The following ASIC2 variants were observed in gnomAD, a reference collection of about 807,000 sequenced individuals.
ASIC2 encodes acid-sensing ion channel 2.
In ASIC2, 25 loss-of-function variants were observed where a neutral mutation model predicts 57.3. That is an observed-to-expected ratio of 0.44 (90% confidence interval 0.32 to 0.61). The LOEUF is 0.61. Ranked by LOEUF, ASIC2 falls within the 20% of genes least tolerant of loss-of-function variation. The pLI is 0.06. For synonymous variants in ASIC2, 319 were observed against 307.5 expected, an observed-to-expected ratio of 1.04 and a Z score of -0.39; for missense variants, 641 against 738.1, an observed-to-expected ratio of 0.87 and a Z score of 1.52.
chr17:33,964,719 ACTTT>A (rs1255855768), intron 1 of ASIC2, among the ~76,000 whole-genome samples: 1 of 152,226 alleles, frequency 6.6e-6, no homozygotes, highest in Non-Finnish European at 1.5e-5. Flanking sequence ...TGTTGCCAGA[ACTTT>A]CTTATTTCAT....
At chr17:33,446,763 C>T (rs1029497225) in intron 1 of ASIC2, among the ~76,000 whole-genome samples, 1 of 152,146 alleles carries the variant, frequency 6.6e-6, no homozygotes, top group South Asian at 2.1e-4. Context: ...TGAATGAATC[C>T]TCTGGAAGGG....
chr17:33,628,161 G>A (rs536018611), intron 1 of ASIC2, among the ~76,000 whole-genome samples: 108 of 152,312 alleles, frequency 7.1e-4, no homozygotes, highest in African/African-American at 2.5e-3. Context: ...GGGTGGTCCC[G>A]ATGCCTGGGA....
intron 1 of ASIC2, among the ~76,000 whole-genome samples, chr17:33,236,872 G>C (rs939001365): frequency 6.6e-6 from 1 of 152,156 alleles, no homozygotes; most frequent in Non-Finnish European, 1.5e-5. Flanking sequence ...ATCTTCCTTA[G>C]AGCCCTCAGA....
At chr17:34,077,973 G>A (rs1389923372) in intron 1 of ASIC2, among the ~76,000 whole-genome samples, 1 of 152,082 alleles carries the variant, frequency 6.6e-6, no homozygotes, top group African/African-American at 2.4e-5. Context: ...TAAAGTTATA[G>A]AGGGCCAGCT....
At chr17:33,397,712 A>C (rs1215681279) in intron 1 of ASIC2, among the ~76,000 whole-genome samples, 1 of 152,192 alleles carries the variant, frequency 6.6e-6, no homozygotes, top group African/African-American at 2.4e-5. Flanking sequence ...TCAGCCTCCC[A>C]TCACCCCATC....
intron 1 of ASIC2, among the ~76,000 whole-genome samples, chr17:33,727,471 C>G (rs1023399394): frequency 6.6e-6 from 1 of 152,082 alleles, no homozygotes; most frequent in Non-Finnish European, 1.5e-5. Flanking sequence ...AATTGTCATC[C>G]CCAATGTTGG....
At chr17:33,391,278 A>G (rs917148724) in intron 1 of ASIC2, among the ~76,000 whole-genome samples, 2 of 152,212 alleles carry the variant, frequency 1.3e-5, no homozygotes, top group African/African-American at 4.8e-5. Context: ...AGTGAACTTC[A>G]TCCTTCTACT....
At chr17:33,410,490 C>T (rs1910619471) in intron 1 of ASIC2, among the ~76,000 whole-genome samples, 1 of 152,184 alleles carries the variant, frequency 6.6e-6, no homozygotes, top group Non-Finnish European at 1.5e-5. Context: ...CAGATCAGGG[C>T]TTGAGAACTA....
intron 1 of ASIC2, among the ~76,000 whole-genome samples, chr17:33,538,993 G>A (rs1033629787): frequency 1.3e-5 from 2 of 152,186 alleles, no homozygotes; most frequent in Non-Finnish European, 2.9e-5. Context: ...GTCTGTGGGT[G>A]GACTCAGAAG....
intron 1 of ASIC2, among the ~76,000 whole-genome samples, chr17:33,811,532 G>A (rs549726975): frequency 6.6e-6 from 1 of 152,132 alleles, no homozygotes; most frequent in Non-Finnish European, 1.5e-5. Flanking sequence ...CCGAGGACTT[G>A]CTACTCGTGA....
intron 1 of ASIC2, among the ~76,000 whole-genome samples, chr17:33,539,656 A>G (rs1915344766): frequency 1.3e-5 from 2 of 152,244 alleles, no homozygotes; most frequent in South Asian, 4.1e-4. Flanking sequence ...TGGCTCGTGC[A>G]GCACGTTCAC....
intron 1 of ASIC2, among the ~76,000 whole-genome samples, chr17:34,083,356 CATT>C (rs937488009): frequency 4.6e-5 from 7 of 152,014 alleles, no homozygotes; most frequent in African/African-American, 1.2e-4. Flanking sequence ...ATGAACTCAT[CATT>C]TTTTATGGCT....
chr17:34,027,380 C>A (rs777912847), intron 1 of ASIC2, among the ~76,000 whole-genome samples: 2 of 152,154 alleles, frequency 1.3e-5, no homozygotes, highest in Non-Finnish European at 2.9e-5. Context: ...GGTTACACGG[C>A]CATGGGCTTT....
At chr17:33,680,241 C>T (rs993084972) in intron 1 of ASIC2, among the ~76,000 whole-genome samples, 2 of 152,054 alleles carry the variant, frequency 1.3e-5, no homozygotes, top group African/African-American at 4.8e-5. Flanking sequence ...TCATGATGTC[C>T]CCCACTATGA....
intron 1 of ASIC2, among the ~76,000 whole-genome samples, chr17:33,166,219 C>G (rs1485862957): frequency 6.6e-6 from 1 of 152,178 alleles, no homozygotes; most frequent in Non-Finnish European, 1.5e-5. Flanking sequence ...ATGAGAATTC[C>G]TTCCTCACTG....
chr17:33,245,520 G>GC (rs1908659085), intron 1 of ASIC2, among the ~76,000 whole-genome samples: 1 of 152,200 alleles, frequency 6.6e-6, no homozygotes, highest in Non-Finnish European at 1.5e-5. Flanking sequence ...CTATGAAGAG[G>GC]CAGACAATGC....
chr17:33,864,412 C>A (rs1020121700), intron 1 of ASIC2, among the ~76,000 whole-genome samples: 1 of 152,138 alleles, frequency 6.6e-6, no homozygotes, highest in African/African-American at 2.4e-5. Context: ...TTAAGCCCAG[C>A]CACCTATTTG....
chr17:33,110,992 T>C (rs1312155359), intron 2 of ASIC2, among the ~76,000 whole-genome samples: 1 of 151,714 alleles, frequency 6.6e-6, no homozygotes, highest in Admixed American at 6.6e-5. Flanking sequence ...AAATCCATGG[T>C]TCCCAGTCTT....
At chr17:33,794,912 A>T (rs759455013) in intron 1 of ASIC2, among the ~76,000 whole-genome samples, 1 of 152,208 alleles carries the variant, frequency 6.6e-6, no homozygotes, top group Non-Finnish European at 1.5e-5. Context: ...AACAAGCAGT[A>T]TATCTTTGAA....
Sources: allele counts gnomAD v4.1 joint callset (sites outside exome capture counted in the v4.1 genomes callset), GRCh38; gene constraint gnomAD v4.1.1; transcripts MANE v1.5; gene names NCBI Gene and HGNC (gene_info 2026-07-23, HGNC 2026-07-21).